The following JMY variants were observed in gnomAD, a reference collection of about 807,000 sequenced individuals.
The protein encoded by JMY is junction mediating and regulatory protein, p53 cofactor.
A neutral mutation model predicts 103.3 loss-of-function variants in JMY; 46 were observed. The observed-to-expected ratio is 0.45, with a 90% CI of 0.35 to 0.57. The LOEUF (loss-of-function observed/expected upper bound fraction) is 0.57. JMY is among the 20% of genes least tolerant of loss of function. The pLI, the probability that JMY is intolerant of heterozygous loss-of-function variation, is 0.00. For missense variants in JMY, 1,238 were observed against 1,255.2 expected (o/e 0.99, Z 0.21); for synonymous variants, 526 against 489.3 (o/e 1.07, Z -0.99).
chr5:79,259,119 G>A (rs1019741375), intron 1 of JMY, among the ~76,000 whole-genome samples: 1 of 152,144 alleles, frequency 6.6e-6, no homozygotes, highest in Non-Finnish European at 1.5e-5. Context: ...GAAGCTGGTT[G>A]TCCCATCATT....
chr5:79,258,674 G>T (rs768625565), intron 1 of JMY, among the ~76,000 whole-genome samples: 25 of 152,144 alleles, frequency 1.6e-4, no homozygotes, highest in Non-Finnish European at 3.1e-4. Flanking sequence ...CTGGACCAGG[G>T]ATACCATAAG....
chr5:79,244,542 C>G (rs1001340641), intron 1 of JMY, among the ~76,000 whole-genome samples: 6 of 152,162 alleles, frequency 3.9e-5, no homozygotes, highest in Admixed American at 1.3e-4. Flanking sequence ...TGTTAACCTT[C>G]TCCATTGCTG....
chr5:79,293,807 T>C (rs1476215139), intron 4 of JMY, among the ~76,000 whole-genome samples: 1 of 152,220 alleles, frequency 6.6e-6, no homozygotes, highest in African/African-American at 2.4e-5. Context: ...TTTGTGAGTT[T>C]AACTAGTTGT....
chr5:79,237,748 C>A, intron 1 of JMY, 66 bp downstream of exon 1: 1 of 1,446,506 alleles, frequency 6.9e-7, no homozygotes, highest in South Asian at 1.3e-5. Context: ...AAACCAAAGG[C>A]TGGAGCCTCG....
intron 2 of JMY, among the ~76,000 whole-genome samples, chr5:79,288,193 A>G (rs1165682621): frequency 6.6e-6 from 1 of 152,206 alleles, no homozygotes; most frequent in African/African-American, 2.4e-5. Context: ...AGACAACCTC[A>G]TATGATAACA....
At position 79,306,475 on chromosome 5, in the gene JMY, C is replaced by T. The variant is rs754725002; in HGVS notation, c.1968+14C>T. 8.9e-6 allele frequency: 14 copies of T among 1,572,628 alleles called. No individual in the cohort carries two copies. Among genetic ancestry groups the T allele is most frequent in the Admixed American group, 1.7e-5 (1 of 58,160 alleles). ...ACAGTACAACTAGTAAGTTTGGATT[C>T]GAAGATTTTGAACAAAACTTAATTT... is the stretch of plus-strand genomic sequence containing the variant. On this transcript the variant is annotated intron_variant, in intron 7 of 10. Transcript: ENST00000396137.
intron 1 of JMY, among the ~76,000 whole-genome samples, chr5:79,242,593 A>G (rs893362299): frequency 1.3e-5 from 2 of 152,200 alleles, no homozygotes; most frequent in Non-Finnish European, 2.9e-5. Flanking sequence ...TAAACAGCTG[A>G]GTAACCAAGC....
At chr5:79,301,456 G>A (rs1277566285) in intron 6 of JMY, among the ~76,000 whole-genome samples, 1 of 152,184 alleles carries the variant, frequency 6.6e-6, no homozygotes, top group East Asian at 1.9e-4. Context: ...TATTATAAAA[G>A]TATGTCATGT....
chr5:79,291,164 A>G lies in JMY; in HGVS notation c.1392A>G (p.Lys464=). 6.2e-7 allele frequency: 1 copy of G among 1,609,598 alleles called. No homozygotes were observed. The highest frequency in any genetic ancestry group is 8.5e-7 in the Non-Finnish European group (1 of 1,178,784). The part of the protein sequence containing the change: ...VYDRMRADQK[K]FGKASWAAAA... ...ATCGAATGCGAGCTGATCAGAAGAA[A>G]TTTGGTAAAGCATCATGGGCAGCGG... Residue 464 remains lysine (K), a synonymous_variant, in exon 4 of 11, where the codon AAA becomes AAG. Transcript: ENST00000396137.
At chr5:79,249,371 G>A (rs980282714) in intron 1 of JMY, among the ~76,000 whole-genome samples, 2 of 152,114 alleles carry the variant, frequency 1.3e-5, no homozygotes, top group East Asian at 3.8e-4. Flanking sequence ...AATTTCATGG[G>A]AATGAATAAC....
At chr5:79,260,665 G>A (rs1476033705) in intron 1 of JMY, among the ~76,000 whole-genome samples, 16 of 151,242 alleles carry the variant, frequency 1.1e-4, no homozygotes, top group African/African-American at 3.9e-4. Flanking sequence ...TGCTGGGATT[G>A]CAGGCATGAG....
chr5:79,314,539 A>C lies in JMY; in HGVS notation c.2347A>C (p.Thr783Pro). The change falls in exon 9 of 11, where the codon ACT (threonine) becomes CCT (proline). Residue 783 changes from threonine to proline, a missense_variant. Transcript: ENST00000396137. ...LSGVTSELPP[T>P]ISLPLLNNNL... ...TGGTGTTACCTCTGAACTGCCTCCCACTATATCTCTTCCACTTTTGAATAA... is the reference window on the plus strand; with the variant it reads ...TGGTGTTACCTCTGAACTGCCTCCCCCTATATCTCTTCCACTTTTGAATAA... The C allele has an allele frequency of 1.2e-6, 2 of 1,614,086 alleles. No homozygotes were observed. The highest frequency in any genetic ancestry group is 3.3e-4 in the Middle Eastern group (2 of 6,062).
Position 79,314,695 on chromosome 5 carries a change from G to C in JMY, c.2503G>C (p.Glu835Gln). The change falls in exon 9 of 11, where the codon GAG becomes CAG. Residue 835 changes from glutamate to glutamine, a missense_variant. Transcript: ENST00000396137. ...GCCTGTTGCTAAGGACAGTGGCCCAGAGACACTGGAGAAAGATCTGCCTAG... is the reference window on the plus strand; with the variant it reads ...GCCTGTTGCTAAGGACAGTGGCCCACAGACACTGGAGAAAGATCTGCCTAG... The part of the protein sequence containing the change: ...PLPVAKDSGP[E>Q]TLEKDLPRKE... The C allele has an allele frequency of 2.2e-6, 3 of 1,360,752 alleles. No homozygotes were observed. The highest frequency in any genetic ancestry group is 2.9e-6 in the Non-Finnish European group (3 of 1,031,726). 84.3% of individuals were successfully genotyped at this position (1,360,752 alleles called of 1,614,324 possible). A position where few individuals can be genotyped will look rare whatever the true frequency, so the allele number is the denominator to read the frequency against.
intron 10 of JMY, among the ~76,000 whole-genome samples, chr5:79,320,408 T>C (rs1747413636): frequency 1.3e-5 from 2 of 152,036 alleles, no homozygotes; most frequent in African/African-American, 4.8e-5. Flanking sequence ...GGCGCCGTAT[T>C]TGGCTCGCTG....
At chr5:79,252,914 T>C (rs1745131811) in intron 1 of JMY, among the ~76,000 whole-genome samples, 1 of 152,222 alleles carries the variant, frequency 6.6e-6, no homozygotes, top group Non-Finnish European at 1.5e-5. Flanking sequence ...TTTAGTCCAT[T>C]TGCATTCAGT....
At chr5:79,310,307 C>T (rs376786146) in intron 7 of JMY, among the ~76,000 whole-genome samples, 57 of 151,834 alleles carry the variant, frequency 3.8e-4, no homozygotes, top group Admixed American at 3.1e-3. Context: ...GTTATCTGCC[C>T]GCCTCGCCTT....
At chr5:79,270,825 T>G (rs1329680936) in intron 1 of JMY, among the ~76,000 whole-genome samples, 1 of 151,480 alleles carries the variant, frequency 6.6e-6, no homozygotes, top group Non-Finnish European at 1.5e-5. Context: ...GCTGAGAGTT[T>G]TATCATGAAT....
At chr5:79,243,039 C>T (rs974803287) in intron 1 of JMY, among the ~76,000 whole-genome samples, 1 of 152,080 alleles carries the variant, frequency 6.6e-6, no homozygotes, top group Non-Finnish European at 1.5e-5. Context: ...AAAGGTGTTG[C>T]CTAGTGGTGC....
intron 4 of JMY, among the ~76,000 whole-genome samples, chr5:79,296,493 T>TA (rs1448046373): frequency 6.6e-6 from 1 of 152,030 alleles, no homozygotes; most frequent in Non-Finnish European, 1.5e-5. Context: ...TATGACCCTT[T>TA]AAAAAAAAGA....
Sources: allele counts gnomAD v4.1 joint callset (sites outside exome capture counted in the v4.1 genomes callset), GRCh38; gene constraint gnomAD v4.1.1; transcripts MANE v1.5; gene names NCBI Gene and HGNC (gene_info 2026-07-23, HGNC 2026-07-21).